PERP: variants seen among roughly 807,000 people sequenced by gnomAD.
PERP encodes p53 apoptosis effector related to PMP-22.
Under a neutral mutation model 20.3 loss-of-function variants are expected in PERP, and 11 were observed. The observed-to-expected ratio is 0.54, with a 90% CI of 0.34 to 0.90. PERP has a LOEUF of 0.90. Ranked by LOEUF, PERP falls within the 40% of genes least tolerant of loss-of-function variation. The pLI, the probability that PERP is intolerant of heterozygous loss-of-function variation, is 0.02. For synonymous variants in PERP, 101 were observed against 102.0 expected (o/e 0.99, Z 0.06); for missense variants, 224 against 249.4 (o/e 0.90, Z 0.69).
At chr6:138,096,233 TAC>T (rs1204092014) in intron 2 of PERP, 119 bp downstream of exon 2, 2 of 1,275,414 alleles carry the variant, frequency 1.6e-6, no homozygotes, top group Non-Finnish European at 2.1e-6. Context: ...GCCCTGGTGA[TAC>T]ATTTTCCGAG....
chr6:138,101,121 C>A (rs1305261384), intron 1 of PERP, among the ~76,000 whole-genome samples: 4 of 152,052 alleles, frequency 2.6e-5, no homozygotes, highest in Non-Finnish European at 5.9e-5. Flanking sequence ...GCCTGTAAGC[C>A]CAGCACTTTA....
chr6:138,099,105 A>G (rs1329315691), intron 1 of PERP, among the ~76,000 whole-genome samples: 2 of 152,190 alleles, frequency 1.3e-5, no homozygotes, highest in African/African-American at 4.8e-5. Context: ...AAGGCAAAAT[A>G]AGCAGTAGTG....
At position 138,099,616 on chromosome 6, in the gene PERP, T is replaced by C. The variant is rs76383247; in HGVS notation, c.215-3122A>G. Among the ~76,000 whole-genome samples, 1,231 of 152,328 alleles carry C rather than the reference T, an allele frequency of 8.1e-3. 20 individuals are homozygous for C. Among genetic ancestry groups the C allele is most frequent in the African/African-American group, 0.029 (1,188 of 41,586 alleles). On this transcript the variant is annotated intron_variant, in intron 1 of 2. Coordinates refer to ENST00000421351, the MANE Select transcript of PERP (RefSeq NM_022121.5). ...ATCACAGATAAAGGTTTGAAAAATC[T>C]AGCCAAATAAATTATGTATGATATT...
rs938359565 is a variant in PERP, at chr6:138,089,599, T to G, written c.*2443A>C. On this transcript the variant is annotated 3_prime_UTR_variant, in exon 3 of 3. Coordinates refer to ENST00000421351, the MANE Select transcript of PERP (RefSeq NM_022121.5). ...AGCACCTCAGCTTTACTGTGGGAAATCTCATGCAATGCACTGTTAGCCTTC... is the reference window on the plus strand; with the variant it reads ...AGCACCTCAGCTTTACTGTGGGAAAGCTCATGCAATGCACTGTTAGCCTTC... 2.6e-5 allele frequency: 4 copies of G among 152,166 alleles called. No individual in the cohort carries two copies. Among genetic ancestry groups the G allele is most frequent in the Non-Finnish European group, 5.9e-5 (4 of 68,046 alleles). 9.4% of individuals were successfully genotyped at this position (152,166 alleles called of 1,614,324 possible). A position where few individuals can be genotyped will look rare whatever the true frequency, so the allele number is the denominator to read the frequency against.
intron 1 of PERP, among the ~76,000 whole-genome samples, chr6:138,105,044 G>A (rs1775823263): frequency 6.6e-6 from 1 of 152,224 alleles, no homozygotes; most frequent in South Asian, 2.1e-4. Context: ...ACGGCCAGAG[G>A]TAGCTCCATA....
chr6:138,097,694 T>C (rs371508258), intron 1 of PERP, among the ~76,000 whole-genome samples: 6 of 152,178 alleles, frequency 3.9e-5, no homozygotes, highest in African/African-American at 1.4e-4. Flanking sequence ...GGTAAATGGT[T>C]TAGACAGAGT....
At position 138,091,356 on chromosome 6, in the gene PERP, G is replaced by T. The variant is rs553293329; in HGVS notation, c.*686C>A. On this transcript the variant is annotated 3_prime_UTR_variant, in exon 3 of 3. Coordinates refer to ENST00000421351, the MANE Select transcript of PERP (RefSeq NM_022121.5). ...TAACCCTATAAAGAACTTTAAAAGAGAAAATTTCATCTAAATATTTCACAC... is the reference window on the plus strand; with the variant it reads ...TAACCCTATAAAGAACTTTAAAAGATAAAATTTCATCTAAATATTTCACAC... 6.6e-6 allele frequency: 1 copy of T among 152,220 alleles called. No individual in the cohort carries two copies. Among genetic ancestry groups the T allele is most frequent in the South Asian group, 2.1e-4 (1 of 4,824 alleles). 9.4% of individuals were successfully genotyped at this position (152,220 alleles called of 1,614,324 possible).
Position 138,091,947 on chromosome 6 carries a change from T to G in PERP, c.*95A>C. On this transcript the variant is annotated 3_prime_UTR_variant, in exon 3 of 3. Transcript: ENST00000421351. The stretch of plus-strand genomic sequence containing the variant: ...TTGACTAGTTTAATAATATGAACAC[T>G]GCCAAAAAATGGGTTCAAAGTCGCC... The G allele has an allele frequency of 8.9e-7, 1 of 1,125,612 alleles. No homozygotes were observed. 69.7% of individuals were successfully genotyped at this position (1,125,612 alleles called of 1,614,324 possible). A position where few individuals can be genotyped will look rare whatever the true frequency, so the allele number is the denominator to read the frequency against.
At chr6:138,103,689 C>T (rs566867026) in intron 1 of PERP, among the ~76,000 whole-genome samples, 4 of 152,236 alleles carry the variant, frequency 2.6e-5, no homozygotes, top group Non-Finnish European at 5.9e-5. Flanking sequence ...ACACAACTCA[C>T]CATAATGTAG....
intron 2 of PERP, among the ~76,000 whole-genome samples, chr6:138,093,226 A>T (rs1775618055): frequency 6.6e-6 from 1 of 152,098 alleles, no homozygotes; most frequent in Admixed American, 6.5e-5. Flanking sequence ...TAGCTCTTTC[A>T]CCATAAGACA....
intron 1 of PERP, among the ~76,000 whole-genome samples, chr6:138,100,995 A>G (rs1002001606): frequency 2.6e-5 from 4 of 152,200 alleles, no homozygotes; most frequent in Non-Finnish European, 4.4e-5. Context: ...CAGAAATTAC[A>G]TACAAAAACG....
intron 1 of PERP, among the ~76,000 whole-genome samples, chr6:138,105,661 GCA>G (rs1775830515): frequency 6.6e-6 from 1 of 151,710 alleles, no homozygotes; most frequent in East Asian, 1.9e-4. Flanking sequence ...GAGGATTACT[GCA>G]TATACTTTGG....
At chr6:138,102,119 C>T (rs1775783160) in intron 1 of PERP, among the ~76,000 whole-genome samples, 1 of 152,210 alleles carries the variant, frequency 6.6e-6, no homozygotes, top group East Asian at 1.9e-4. Flanking sequence ...GGAGAATACA[C>T]GGGAGAGCAT....
At chr6:138,101,531 T>A (rs897131140) in intron 1 of PERP, among the ~76,000 whole-genome samples, 2 of 152,204 alleles carry the variant, frequency 1.3e-5, no homozygotes, top group Non-Finnish European at 1.5e-5. Flanking sequence ...TCTTCATGAA[T>A]CTGCTGCATT....
chr6:138,096,108 T>TA, intron 2 of PERP, among the ~76,000 whole-genome samples: 1 of 151,806 alleles, frequency 6.6e-6, no homozygotes, highest in Non-Finnish European at 1.5e-5. Context: ...CTAAGAGAGA[T>TA]AGGGGCATGT....
At chr6:138,104,217 T>C (rs1775813124) in intron 1 of PERP, among the ~76,000 whole-genome samples, 1 of 152,246 alleles carries the variant, frequency 6.6e-6, no homozygotes, top group Non-Finnish European at 1.5e-5. Context: ...TTTCACATTT[T>C]ATTTATAGGT....
chr6:138,092,193 G>A lies in PERP; in HGVS notation c.431C>T (p.Ala144Val), dbSNP rs1194608794. The part of the protein sequence containing the change: ...TQTFTLHANP[A>V]VTYIYNWAYG... The stretch of plus-strand genomic sequence containing the variant: ...GGCCCAGTTATAGATGTAAGTGACA[G>A]CAGGGTTGGCATGAAGGGTGAAGGT... Residue 144 changes from alanine to valine, a missense_variant, in exon 3 of 3, where the codon GCT (alanine) becomes GTT (valine). Ala to Val is a moderately conservative substitution (Grantham distance 64). Coordinates refer to ENST00000421351, the MANE Select transcript of PERP (RefSeq NM_022121.5). 4.3e-6 allele frequency: 7 copies of A among 1,614,024 alleles called. No individual in the cohort carries two copies. The highest frequency in any genetic ancestry group is 1.7e-5 in the Admixed American group (1 of 59,976).
At chr6:138,094,811 C>A (rs1271507166) in intron 2 of PERP, among the ~76,000 whole-genome samples, 1 of 152,178 alleles carries the variant, frequency 6.6e-6, no homozygotes, top group East Asian at 1.9e-4. Context: ...ACCTCCACCT[C>A]CCAGGTTCAA....
intron 2 of PERP, among the ~76,000 whole-genome samples, chr6:138,092,686 CAT>C (rs554318576): frequency 6.6e-6 from 1 of 151,998 alleles, no homozygotes; most frequent in African/African-American, 2.4e-5. Flanking sequence ...GCAAAAATTA[CAT>C]ATATATATGT....
Sources: gnomAD v4.1 joint callset for allele counts (sites outside exome capture counted in the v4.1 genomes callset) on GRCh38, gnomAD v4.1.1 for gene constraint, MANE v1.5 for transcripts, NCBI Gene and HGNC (gene_info 2026-07-23, HGNC 2026-07-21) for gene names.